CFAP54: variants seen among roughly 807,000 people sequenced by gnomAD.
CFAP54 encodes cilia- and flagella-associated protein 54.
A neutral mutation model predicts 370.4 loss-of-function variants in CFAP54; 290 were observed. The observed-to-expected ratio is 0.78, with a 90% CI of 0.71 to 0.86. The LOEUF (loss-of-function observed/expected upper bound fraction) is 0.86, where lower values mean the gene tolerates loss of function less well. Among genes scored for constraint, CFAP54 ranks in the 40% least tolerant of loss-of-function variants. The pLI is 0.00. For missense variants in CFAP54, 3,399 were observed against 3,528.7 expected (o/e 0.96, Z 0.93); for synonymous variants, 1,206 against 1,236.5 (o/e 0.98, Z 0.52).
At chr12:96,567,404 G>A (rs1232973032) in intron 19 of CFAP54, among the ~76,000 whole-genome samples, 1 of 152,186 alleles carries the variant, frequency 6.6e-6, no homozygotes, top group Non-Finnish European at 1.5e-5. Context: ...TGTCCTGGGA[G>A]TATTAGGGAA....
intron 65 of CFAP54, among the ~76,000 whole-genome samples, chr12:96,825,326 T>G (rs1264061455): frequency 7.8e-6 from 1 of 128,906 alleles, no homozygotes; most frequent in African/African-American, 3.0e-5. Flanking sequence ...ATATATATTA[T>G]ATAACATGTT....
chr12:96,826,814 T>C (rs1376901682), intron 65 of CFAP54, among the ~76,000 whole-genome samples: 15 of 114,600 alleles, frequency 1.3e-4, no homozygotes, highest in Non-Finnish European at 2.1e-4. Context: ...ATATTATACA[T>C]ATTAATATAT....
intron 13 of CFAP54, among the ~76,000 whole-genome samples, chr12:96,539,235 A>C (rs561548109): frequency 6.7e-6 from 1 of 150,300 alleles, no homozygotes; most frequent in South Asian, 2.2e-4. Context: ...TAATTTTTGT[A>C]TTTTTAGTAG....
At chr12:96,794,425 G>A (rs763651403) in intron 63 of CFAP54, among the ~76,000 whole-genome samples, 7 of 145,016 alleles carry the variant, frequency 4.8e-5, no homozygotes, top group Non-Finnish European at 7.5e-5. Context: ...TGGAGATGTT[G>A]TTCTTTTTTT....
rs1957040451 is a variant in CFAP54, at chr12:96,664,689, GTATATATCTATA to G, written c.5563+765_5563+776del. On this transcript the variant is annotated intron_variant, in intron 39 of 67. Transcript: ENST00000524981. ...AATAGAACAATTTATATTCCTTTGG[GTATATATCTATA>G]TATATATATATATCTATATATATCT... Among the ~76,000 whole-genome samples, 158 of 26,284 alleles carry G rather than the reference GTATATATCTATA, an allele frequency of 6.0e-3. 7 individuals are homozygous for G. The highest frequency in any genetic ancestry group is 0.031 in the African/African-American group (150 of 4,910). The allele number at this position is 26,284 out of a possible 152,430, so 17.2% of individuals were successfully genotyped here.
rs114997186 is a variant in CFAP54, at chr12:96,531,056, T to C, written c.1358-2736T>C. ...TGAGTTTTGAGAGCTCTTTTTATGT[T>C]CTGAATACAAGTCCTGGTCATTGCT... On this transcript the variant is annotated intron_variant, in intron 9 of 67. Transcript: ENST00000524981. Among the ~76,000 whole-genome samples, 673 of 152,308 alleles carry C rather than the reference T, an allele frequency of 4.4e-3. 6 individuals carry two copies. The highest frequency in any genetic ancestry group is 0.015 in the African/African-American group (627 of 41,568).
chr12:96,780,590 TAGGA>T (rs1449950127), intron 60 of CFAP54, among the ~76,000 whole-genome samples: 7 of 152,016 alleles, frequency 4.6e-5, no homozygotes, highest in African/African-American at 1.4e-4. Flanking sequence ...AAGGAAAAAA[TAGGA>T]GGTACACAGA....
intron 19 of CFAP54, among the ~76,000 whole-genome samples, chr12:96,565,645 C>T (rs1349700261): frequency 6.6e-6 from 1 of 152,120 alleles, no homozygotes; most frequent in East Asian, 1.9e-4. Flanking sequence ...GGTTAATACA[C>T]AGAGCCAAGG....
chr12:96,831,476 T>G (rs1035354295), intron 66 of CFAP54, among the ~76,000 whole-genome samples: 8 of 152,042 alleles, frequency 5.3e-5, no homozygotes, highest in Admixed American at 2.0e-4. Context: ...AAAAGCAGAG[T>G]TGGGTAATTT....
At chr12:96,554,909 G>A in intron 17 of CFAP54, 107 bp downstream of exon 17, 1 of 1,126,668 alleles carries the variant, frequency 8.9e-7, no homozygotes, top group Non-Finnish European at 1.1e-6. Context: ...TAAGTTTTCA[G>A]ATAAATTTCA....
chr12:96,602,866 G>T (rs1486766581), intron 26 of CFAP54, among the ~76,000 whole-genome samples: 1 of 151,954 alleles, frequency 6.6e-6, no homozygotes, highest in Non-Finnish European at 1.5e-5. Context: ...ATGTAAGATG[G>T]GTCTCCTGAA....
At chr12:96,638,458 G>A (rs1343042826) in intron 32 of CFAP54, among the ~76,000 whole-genome samples, 2 of 150,746 alleles carry the variant, frequency 1.3e-5, no homozygotes, top group Non-Finnish European at 3.0e-5. Context: ...GGCTGGTCTT[G>A]AACTCCTGGG....
intron 5 of CFAP54, among the ~76,000 whole-genome samples, chr12:96,517,028 A>ATAGTCC (rs1955243958): frequency 1.3e-5 from 2 of 151,580 alleles, no homozygotes; most frequent in Non-Finnish European, 2.9e-5. Context: ...CATGAAGAGA[A>ATAGTCC]TAGTCCTGAT....
intron 46 of CFAP54, among the ~76,000 whole-genome samples, 187 bp downstream of exon 46, chr12:96,700,280 G>C (rs866754344): frequency 2.6e-5 from 4 of 152,122 alleles, no homozygotes; most frequent in Non-Finnish European, 4.4e-5. Context: ...GAGTGTCATG[G>C]GGGAGGGAGC....
chr12:96,628,772 A>G (rs1956572256), intron 30 of CFAP54, among the ~76,000 whole-genome samples: 1 of 152,188 alleles, frequency 6.6e-6, no homozygotes, highest in Admixed American at 6.6e-5. Context: ...ATTTGGGTCA[A>G]GTTCCAACCC....
Position 96,572,399 on chromosome 12 carries a change from T to C in CFAP54, c.2620-4186T>C, listed in dbSNP as rs549689815. Reference sequence around the variant, plus strand: ...CAGAAAGAATGAAATGCGTGGGCAATTCTGAGGCGTGAAATAACAGCATTT... The same window carrying C: ...CAGAAAGAATGAAATGCGTGGGCAACTCTGAGGCGTGAAATAACAGCATTT... On this transcript the variant is annotated intron_variant, in intron 19 of 67. Coordinates refer to ENST00000524981, the MANE Select transcript of CFAP54 (RefSeq NM_001306084.2). Among the ~76,000 whole-genome samples the C allele has an allele frequency of 1.4e-3, 210 of 152,190 alleles. 2 individuals carry two copies. Among genetic ancestry groups the C allele is most frequent in the African/African-American group, 4.8e-3 (201 of 41,554 alleles).
At chr12:96,752,863 G>C (rs1852523392) in intron 55 of CFAP54, among the ~76,000 whole-genome samples, 1 of 152,154 alleles carries the variant, frequency 6.6e-6, no homozygotes, top group African/African-American at 2.4e-5. Flanking sequence ...AGACTGCCTA[G>C]GTTCAAATTA....
intron 58 of CFAP54, among the ~76,000 whole-genome samples, chr12:96,763,552 G>A (rs1009534652): frequency 1.1e-4 from 17 of 152,080 alleles, no homozygotes; most frequent in Admixed American, 6.6e-4. Context: ...GTTGAGGTGG[G>A]CCGATCACCT....
intron 55 of CFAP54, among the ~76,000 whole-genome samples, chr12:96,752,892 G>A (rs1958204836): frequency 6.6e-6 from 1 of 152,156 alleles, no homozygotes; most frequent in Non-Finnish European, 1.5e-5. Context: ...CTGTTTACCA[G>A]CCATCTAACC....
Sources: allele counts gnomAD v4.1 joint callset (sites outside exome capture counted in the v4.1 genomes callset), GRCh38; gene constraint gnomAD v4.1.1; transcripts MANE v1.5; gene names NCBI Gene and HGNC (gene_info 2026-07-23, HGNC 2026-07-21).